The following CSMD1 variants were observed in gnomAD, a reference collection of about 807,000 sequenced individuals.
CSMD1 encodes the protein CUB and Sushi multiple domains 1.
A neutral mutation model predicts 417.5 loss-of-function variants in CSMD1; 213 were observed. The ratio of observed to expected loss-of-function variants is 0.51; its 90% CI spans 0.46 to 0.57. CSMD1 has a LOEUF of 0.57. Among genes scored for constraint, CSMD1 ranks in the 20% least tolerant of loss-of-function variants. The probability of loss-of-function intolerance (pLI) is 0.00; values close to 1 mark genes in which losing one functional copy is unlikely to be tolerated. For synonymous variants in CSMD1, 2,862 were observed against 1,736.8 expected, an observed-to-expected ratio of 1.65 and a Z score of -16.11; for missense variants, 6,923 against 4,529.7, an observed-to-expected ratio of 1.53 and a Z score of -15.17.
chr8:4,164,761 A>C (rs189036231), intron 3 of CSMD1, among the ~76,000 whole-genome samples: 159 of 152,194 alleles, frequency 1.0e-3, no homozygotes, highest in Non-Finnish European at 8.8e-5. Flanking sequence ...CTGTAGTCCT[A>C]GCTACCTGGG....
rs894320524 is a variant in CSMD1, at chr8:4,208,689, A to T, written c.416-176590T>A. 2.0e-5 allele frequency among the ~76,000 whole-genome samples: 3 copies of T among 152,236 alleles called. No individual in the cohort carries two copies. The East Asian group carries it at 5.8e-4, about 29-fold the overall frequency. On this transcript the variant is annotated intron_variant, in intron 3 of 69. Coordinates refer to ENST00000635120, the MANE Select transcript of CSMD1 (RefSeq NM_033225.6). The stretch of plus-strand genomic sequence containing the variant: ...ATTATGCAAAACATCATGATGAGTC[A>T]AGAAATGATTAAAAATATAGCAGAA...
chr8:4,663,805 T>C lies in CSMD1; in HGVS notation c.86-26247A>G, dbSNP rs947271972. Reference sequence around the variant, plus strand: ...GCACTAAGTGCTGTAGCAGAGCGCCTCTGGTTCCAGGCAGAACAAATCCAG... The same window carrying C: ...GCACTAAGTGCTGTAGCAGAGCGCCCCTGGTTCCAGGCAGAACAAATCCAG... On this transcript the variant is annotated intron_variant, in intron 1 of 69. Coordinates refer to ENST00000635120, the MANE Select transcript of CSMD1 (RefSeq NM_033225.6). Among the ~76,000 whole-genome samples the C allele has an allele frequency of 2.6e-5, 4 of 152,188 alleles. No homozygotes were observed. The East Asian group carries it at 7.7e-4, about 29-fold the overall frequency.
chr8:3,052,700 G>A (rs1478950430), intron 49 of CSMD1, 53 bp from the exon 50 acceptor site: 1 of 1,273,378 alleles, frequency 7.9e-7, no homozygotes, highest in Non-Finnish European at 1.1e-6. Flanking sequence ...TTATTTTCCA[G>A]CTATTAAAAC....
chr8:3,970,640 G>C (rs560755194), intron 5 of CSMD1, among the ~76,000 whole-genome samples: 1 of 152,332 alleles, frequency 6.6e-6, no homozygotes, highest in East Asian at 1.9e-4. Context: ...TCATAGATTT[G>C]CTAGAAACAT....
chr8:3,251,916 T>C (rs1800295648), intron 26 of CSMD1, among the ~76,000 whole-genome samples: 1 of 152,222 alleles, frequency 6.6e-6, no homozygotes, highest in Admixed American at 6.5e-5. Context: ...ATTGATTTTG[T>C]ATCCTGAGAC....
chr8:2,945,292 CT>C (rs1454633460), intron 68 of CSMD1, among the ~76,000 whole-genome samples: 1 of 151,966 alleles, frequency 6.6e-6, no homozygotes, highest in Non-Finnish European at 1.5e-5. Context: ...TTGCATTTTG[CT>C]TATGTGGCTT....
intron 1 of CSMD1, among the ~76,000 whole-genome samples, chr8:4,844,526 G>A (rs556075478): frequency 1.3e-5 from 2 of 152,230 alleles, no homozygotes; most frequent in East Asian, 3.9e-4. Context: ...AGGACTGCCT[G>A]CTGCGACTGG....
intron 3 of CSMD1, among the ~76,000 whole-genome samples, chr8:4,093,903 T>G (rs1437676815): frequency 2.6e-5 from 4 of 152,030 alleles, no homozygotes; most frequent in African/African-American, 9.7e-5. Context: ...GAGGTTTCAG[T>G]GAGCCCAGAT....
intron 6 of CSMD1, among the ~76,000 whole-genome samples, chr8:3,711,228 A>G (rs1442694139): frequency 2.6e-5 from 4 of 152,214 alleles, no homozygotes; most frequent in Admixed American, 1.3e-4. Flanking sequence ...CAATGAAGAA[A>G]TAAGTCCAAT....
chr8:4,967,019 G>C (rs1319770689), intron 1 of CSMD1, among the ~76,000 whole-genome samples: 1 of 152,092 alleles, frequency 6.6e-6, no homozygotes, highest in Non-Finnish European at 1.5e-5. Flanking sequence ...TTGCATGGCA[G>C]GAAATTGACC....
In CSMD1 at chr8:3,087,293, C is replaced by T; in HGVS notation, c.7286-8G>A. 1 of 1,611,960 alleles carries T rather than the reference C, an allele frequency of 6.2e-7. No individual in the cohort carries two copies. The highest frequency in any genetic ancestry group is 8.5e-7 in the Non-Finnish European group (1 of 1,178,286). ...TCAAACTGCAGTAAGGTGCTGTGGGCAGACAGACACACACAGAAATAAGTC... is the reference window on the plus strand; with the variant it reads ...TCAAACTGCAGTAAGGTGCTGTGGGTAGACAGACACACACAGAAATAAGTC... On this transcript the variant is annotated splice_polypyrimidine_tract_variant and splice_region_variant and intron_variant, in intron 48 of 69. Coordinates refer to ENST00000635120, the MANE Select transcript of CSMD1 (RefSeq NM_033225.6).
intron 54 of CSMD1, among the ~76,000 whole-genome samples, chr8:2,992,466 C>G (rs966788115): frequency 1.3e-5 from 2 of 151,890 alleles, no homozygotes; most frequent in African/African-American, 4.8e-5. Context: ...CTCTGTCAGT[C>G]AGGCTGGAGT....
intron 5 of CSMD1, among the ~76,000 whole-genome samples, chr8:3,986,507 C>G (rs919491841): frequency 6.6e-6 from 1 of 152,122 alleles, no homozygotes; most frequent in Admixed American, 6.5e-5. Context: ...AAGCAAGATC[C>G]TTCTCCTTTC....
Position 4,358,746 on chromosome 8 carries a change from A to G in CSMD1, c.415+61207T>C, listed in dbSNP as rs149623060. 7.8e-3 allele frequency among the ~76,000 whole-genome samples: 1,194 copies of G among 152,306 alleles called. 5 individuals carry two copies. Among genetic ancestry groups the G allele is most frequent in the Non-Finnish European group, 0.012 (829 of 68,012 alleles). On this transcript the variant is annotated intron_variant, in intron 3 of 69. Transcript: ENST00000635120. ...AAAATATCTCTCAAGATAAGTGTAT[A>G]TGATTTCAAAAAGCAATTAGGTTGC...
chr8:4,122,599 G>T (rs1205263468), intron 3 of CSMD1, among the ~76,000 whole-genome samples: 1 of 152,158 alleles, frequency 6.6e-6, no homozygotes, highest in Non-Finnish European at 1.5e-5. Context: ...CAAAATTAGG[G>T]CTCTTCTGCA....
chr8:4,082,671 A>G (rs13281903), intron 3 of CSMD1, among the ~76,000 whole-genome samples: 194 of 150,952 alleles, frequency 1.3e-3, no homozygotes, highest in African/African-American at 4.4e-3. Flanking sequence ...TGTGCAGGTT[A>G]GTTACATATG....
intron 2 of CSMD1, among the ~76,000 whole-genome samples, chr8:4,541,204 A>T (rs1010490517): frequency 2.0e-5 from 3 of 152,128 alleles, no homozygotes; most frequent in African/African-American, 7.2e-5. Context: ...TAGGGACTGG[A>T]AGTCCCATCT....
At chr8:3,141,222 G>A (rs989637106) in intron 41 of CSMD1, among the ~76,000 whole-genome samples, 12 of 152,138 alleles carry the variant, frequency 7.9e-5, no homozygotes, top group African/African-American at 1.9e-4. Context: ...GGTAACACCC[G>A]TACCTCATCA....
At chr8:4,027,755 A>T (rs908017846) in intron 4 of CSMD1, among the ~76,000 whole-genome samples, 3 of 152,204 alleles carry the variant, frequency 2.0e-5, no homozygotes, top group African/African-American at 7.2e-5. Context: ...TTGAGAAGGG[A>T]AATAAATAAC....
Sources: gnomAD v4.1 joint callset for allele counts (sites outside exome capture counted in the v4.1 genomes callset) on GRCh38, gnomAD v4.1.1 for gene constraint, MANE v1.5 for transcripts, NCBI Gene and HGNC (gene_info 2026-07-23, HGNC 2026-07-21) for gene names.